The following TACR3 variants were observed in gnomAD, a reference collection of about 807,000 sequenced individuals.
The protein encoded by TACR3 is neuromedin-K receptor.
TACR3 carries 34 observed loss-of-function variants against 35.0 expected under a neutral mutation model. That is an observed-to-expected ratio of 0.97 (90% confidence interval 0.74 to 1.30). TACR3 has a LOEUF of 1.30. TACR3 is among the 50% of genes most tolerant of loss of function. TACR3 has a pLI of 0.00. For synonymous variants in TACR3, 233 were observed against 221.1 expected, an observed-to-expected ratio of 1.05 and a Z score of -0.48; for missense variants, 558 against 591.7, an observed-to-expected ratio of 0.94 and a Z score of 0.59.
At chr4:103,601,053 T>G (rs958800546) in intron 3 of TACR3, among the ~76,000 whole-genome samples, 3 of 152,162 alleles carry the variant, frequency 2.0e-5, no homozygotes, top group African/African-American at 7.2e-5. Flanking sequence ...ATGTTGACAG[T>G]GGGATGTTAA....
intron 1 of TACR3, among the ~76,000 whole-genome samples, chr4:103,678,735 G>T (rs1390426683): frequency 6.6e-6 from 1 of 151,038 alleles, no homozygotes; most frequent in Non-Finnish European, 1.5e-5. Context: ...ATGTGAGTCT[G>T]CTGTTTTAGA....
At chr4:103,633,955 T>A (rs1725123554) in intron 3 of TACR3, among the ~76,000 whole-genome samples, 1 of 152,042 alleles carries the variant, frequency 6.6e-6, no homozygotes, top group Non-Finnish European at 1.5e-5. Flanking sequence ...CCAATCGACC[T>A]ATCACCATGT....
At chr4:103,679,899 AT>A (rs1726252255) in intron 1 of TACR3, among the ~76,000 whole-genome samples, 1 of 151,948 alleles carries the variant, frequency 6.6e-6, no homozygotes, top group South Asian at 2.1e-4. Flanking sequence ...CAGACTAACA[AT>A]ACAAGCTCTA....
chr4:103,694,061 A>C (rs563766911), intron 1 of TACR3, among the ~76,000 whole-genome samples: 1 of 152,254 alleles, frequency 6.6e-6, no homozygotes, highest in Middle Eastern at 3.4e-3. Context: ...AACACATTAA[A>C]AATTTTTTTC....
At chr4:103,717,911 G>A (rs1417280447) in intron 1 of TACR3, among the ~76,000 whole-genome samples, 4 of 152,186 alleles carry the variant, frequency 2.6e-5, no homozygotes, top group Admixed American at 6.5e-5. Context: ...GAAGATTGAC[G>A]ATTTTAGAGG....
At chr4:103,695,901 A>T (rs1452206591) in intron 1 of TACR3, among the ~76,000 whole-genome samples, 4 of 152,150 alleles carry the variant, frequency 2.6e-5, no homozygotes, top group African/African-American at 4.8e-5. Flanking sequence ...ATGATCATAT[A>T]CTTATTTTTG....
chr4:103,676,268 T>C (rs1219873617), intron 1 of TACR3, among the ~76,000 whole-genome samples: 1 of 152,134 alleles, frequency 6.6e-6, no homozygotes, highest in Admixed American at 6.6e-5. Flanking sequence ...AAATGAGGAC[T>C]TCAGCATGTA....
At chr4:103,628,260 T>G (rs1724951348) in intron 3 of TACR3, among the ~76,000 whole-genome samples, 1 of 151,826 alleles carries the variant, frequency 6.6e-6, no homozygotes, top group African/African-American at 2.4e-5. Context: ...GCAAACACAT[T>G]CAAAAGCTAG....
chr4:103,702,313 C>G (rs1447226711), intron 1 of TACR3, among the ~76,000 whole-genome samples: 4 of 152,208 alleles, frequency 2.6e-5, no homozygotes, highest in South Asian at 2.1e-4. Context: ...CTCATCATCA[C>G]TGACCATCAG....
intron 3 of TACR3, among the ~76,000 whole-genome samples, chr4:103,645,012 G>GT (rs1355778606): frequency 1.3e-5 from 2 of 151,688 alleles, no homozygotes; most frequent in East Asian, 1.9e-4. Context: ...TAATTTCAAG[G>GT]TTTTTTTAAA....
At position 103,694,588 on chromosome 4, in the gene TACR3, T is replaced by C. The variant is rs542264051; in HGVS notation, c.548+24540A>G. Among the ~76,000 whole-genome samples, 6 of 152,268 alleles carry C rather than the reference T, an allele frequency of 3.9e-5. No individual in the cohort carries two copies. In the South Asian group the frequency reaches 1.2e-3, roughly 32 times the overall value. ...CCATTTCCCTATGGCTGACTCTAGA[T>C]TAAAGTCACTTTCCTTCTGCTGTGC... On this transcript the variant is annotated intron_variant, in intron 1 of 4. Coordinates refer to ENST00000304883, the MANE Select transcript of TACR3 (RefSeq NM_001059.3).
At chr4:103,641,161 T>C (rs948238459) in intron 3 of TACR3, among the ~76,000 whole-genome samples, 4 of 151,984 alleles carry the variant, frequency 2.6e-5, no homozygotes, top group Admixed American at 2.6e-4. Flanking sequence ...GCACATACTG[T>C]TCTTTTTCAA....
intron 3 of TACR3, among the ~76,000 whole-genome samples, chr4:103,652,756 T>C (rs1725650195): frequency 6.6e-6 from 1 of 152,058 alleles, no homozygotes; most frequent in Non-Finnish European, 1.5e-5. Flanking sequence ...ATGTAGCCAA[T>C]ACTTTTTTTT....
At chr4:103,635,633 C>A (rs1320585103) in intron 3 of TACR3, among the ~76,000 whole-genome samples, 1 of 151,948 alleles carries the variant, frequency 6.6e-6, no homozygotes, top group Non-Finnish European at 1.5e-5. Flanking sequence ...GCTTAGCCAA[C>A]TAATATTTAT....
chr4:103,613,846 CT>C (rs563187489), intron 3 of TACR3, among the ~76,000 whole-genome samples: 3 of 150,876 alleles, frequency 2.0e-5, no homozygotes, highest in Admixed American at 1.3e-4. Context: ...CACATTACCT[CT>C]TTTTTTTTGG....
chr4:103,616,197 A>G (rs1041718404), intron 3 of TACR3, among the ~76,000 whole-genome samples: 1 of 152,188 alleles, frequency 6.6e-6, no homozygotes, highest in Non-Finnish European at 1.5e-5. Flanking sequence ...ACAGCACAGA[A>G]CAGACAACCA....
chr4:103,596,099 C>T (rs1050405945), intron 3 of TACR3, among the ~76,000 whole-genome samples: 3 of 149,164 alleles, frequency 2.0e-5, no homozygotes, highest in African/African-American at 7.4e-5. Context: ...TTTATGGCTG[C>T]ATAGTATTCC....
intron 3 of TACR3, among the ~76,000 whole-genome samples, chr4:103,636,282 T>C (rs1385170355): frequency 1.3e-5 from 2 of 151,970 alleles, no homozygotes; most frequent in South Asian, 2.1e-4. Context: ...ATTGAGCAGA[T>C]ATACAATTTT....
At chr4:103,702,908 G>T in intron 1 of TACR3, among the ~76,000 whole-genome samples, 1 of 109,384 alleles carries the variant, frequency 9.1e-6, no homozygotes, top group Non-Finnish European at 1.7e-5. Flanking sequence ...TTGTGGGGTG[G>T]GGGGAGGGGG....
Sources: allele counts gnomAD v4.1 joint callset (sites outside exome capture counted in the v4.1 genomes callset), GRCh38; gene constraint gnomAD v4.1.1; transcripts MANE v1.5; gene names NCBI Gene and HGNC (gene_info 2026-07-23, HGNC 2026-07-21).